Variants in TBCK observed in about 807,000 individuals in gnomAD.
TBCK encodes TBC domain-containing protein kinase-like protein.
In TBCK, 99 loss-of-function variants were observed where a neutral mutation model predicts 113.4. That is an observed-to-expected ratio of 0.87 (90% confidence interval 0.74 to 1.03). The LOEUF (loss-of-function observed/expected upper bound fraction) is 1.03. Among genes scored for constraint, TBCK ranks in the 50% least tolerant of loss-of-function variants. The pLI, the probability that TBCK is intolerant of heterozygous loss-of-function variation, is 0.00. For missense variants in TBCK, 1,045 were observed against 1,061.3 expected, an observed-to-expected ratio of 0.98 and a Z score of 0.21; for synonymous variants, 369 against 370.8, an observed-to-expected ratio of 1.00 and a Z score of 0.05.
chr4:106,278,785 C>T (rs1764276293), intron 3 of TBCK, among the ~76,000 whole-genome samples: 1 of 151,640 alleles, frequency 6.6e-6, no homozygotes, highest in African/African-American at 2.4e-5. Context: ...TTATAAGATT[C>T]CTATCTTATA....
chr4:106,187,314 T>C (rs1194441582), intron 22 of TBCK, among the ~76,000 whole-genome samples: 1 of 152,208 alleles, frequency 6.6e-6, no homozygotes, highest in Non-Finnish European at 1.5e-5. Context: ...ACTGAATCTA[T>C]AAATTCCTTT....
intron 20 of TBCK, among the ~76,000 whole-genome samples, chr4:106,203,365 A>G (rs1755093874): frequency 6.6e-6 from 1 of 151,482 alleles, no homozygotes; most frequent in Non-Finnish European, 1.5e-5. Flanking sequence ...AATTCTTAAT[A>G]TTTTAATACA....
intron 25 of TBCK, among the ~76,000 whole-genome samples, chr4:106,064,347 C>T (rs986254234): frequency 2.0e-5 from 3 of 151,722 alleles, no homozygotes; most frequent in African/African-American, 7.3e-5. Context: ...TGTCTCTTGT[C>T]TAGGTTTCTA....
At chr4:106,195,058 T>C (rs1158330260) in intron 20 of TBCK, among the ~76,000 whole-genome samples, 1 of 152,112 alleles carries the variant, frequency 6.6e-6, no homozygotes, top group Non-Finnish European at 1.5e-5. Context: ...GTTTTCTGTA[T>C]GTCACTTTTC....
chr4:106,221,392 GTT>G (rs1158176599), intron 19 of TBCK, among the ~76,000 whole-genome samples: 1 of 151,936 alleles, frequency 6.6e-6, no homozygotes, highest in Non-Finnish European at 1.5e-5. Flanking sequence ...AAAGTTATAT[GTT>G]ATATATCACT....
At chr4:106,058,081 C>T (rs1347649736) in intron 25 of TBCK, among the ~76,000 whole-genome samples, 1 of 151,700 alleles carries the variant, frequency 6.6e-6, no homozygotes, top group Non-Finnish European at 1.5e-5. Context: ...ATCAATTTGC[C>T]TATCAAATAT....
intron 24 of TBCK, among the ~76,000 whole-genome samples, chr4:106,097,583 T>G (rs1741073142): frequency 6.6e-6 from 1 of 152,148 alleles, no homozygotes. Flanking sequence ...TTTATATAAG[T>G]TGGATAATGA....
intron 20 of TBCK, among the ~76,000 whole-genome samples, chr4:106,207,174 A>G (rs1023432757): frequency 2.0e-5 from 3 of 152,216 alleles, no homozygotes; most frequent in Admixed American, 2.0e-4. Context: ...TGTAAATCAC[A>G]TAACTACCAT....
intron 23 of TBCK, among the ~76,000 whole-genome samples, chr4:106,152,753 C>T (rs1319932191): frequency 6.6e-6 from 1 of 152,052 alleles, no homozygotes; most frequent in African/African-American, 2.4e-5. Context: ...GCTTCACTCT[C>T]ATTACTTGTT....
At chr4:106,176,524 A>G (rs903739742) in intron 22 of TBCK, among the ~76,000 whole-genome samples, 5 of 152,154 alleles carry the variant, frequency 3.3e-5, no homozygotes, top group Non-Finnish European at 2.9e-5. Flanking sequence ...ATTGCCTTTT[A>G]TCGCTGAATG....
intron 3 of TBCK, among the ~76,000 whole-genome samples, chr4:106,269,897 C>T (rs145456128): frequency 2.2e-3 from 329 of 152,152 alleles, no homozygotes; most frequent in African/African-American, 7.5e-3. Flanking sequence ...CATAGTCTAG[C>T]GGTTTGAGGT....
chr4:106,129,100 C>G (rs1745565102), intron 23 of TBCK, among the ~76,000 whole-genome samples: 1 of 152,150 alleles, frequency 6.6e-6, no homozygotes, highest in Non-Finnish European at 1.5e-5. Flanking sequence ...AACTGTGTTT[C>G]TATCTTACAT....
intron 19 of TBCK, among the ~76,000 whole-genome samples, chr4:106,214,729 C>A (rs1469437905): frequency 8.6e-5 from 13 of 151,852 alleles, no homozygotes; most frequent in African/African-American, 2.9e-4. Context: ...AAGACCAAAT[C>A]TACGTCTGAT....
At chr4:106,272,809 C>G (rs1763638953) in intron 3 of TBCK, among the ~76,000 whole-genome samples, 1 of 152,046 alleles carries the variant, frequency 6.6e-6, no homozygotes, top group African/African-American at 2.4e-5. Flanking sequence ...TAACTTTTAA[C>G]TACAGTTAAG....
At chr4:106,149,581 T>G (rs1460314792) in intron 23 of TBCK, among the ~76,000 whole-genome samples, 1 of 152,170 alleles carries the variant, frequency 6.6e-6, no homozygotes, top group Non-Finnish European at 1.5e-5. Context: ...ATTTATCACT[T>G]AAGTTTGCCA....
At chr4:106,149,614 G>A (rs891475566) in intron 23 of TBCK, among the ~76,000 whole-genome samples, 1 of 152,102 alleles carries the variant, frequency 6.6e-6, no homozygotes, top group Non-Finnish European at 1.5e-5. Flanking sequence ...TCCGTTTGTG[G>A]TGCACCAAAA....
At chr4:106,053,459 A>G (rs569547301) in intron 25 of TBCK, among the ~76,000 whole-genome samples, 1 of 151,400 alleles carries the variant, frequency 6.6e-6, no homozygotes, top group Admixed American at 6.6e-5. Flanking sequence ...CAGTACACCA[A>G]TCTCTCCTGG....
chr4:106,297,045 C>T (rs551913457), intron 2 of TBCK, among the ~76,000 whole-genome samples: 1 of 152,218 alleles, frequency 6.6e-6, no homozygotes, highest in South Asian at 2.1e-4. Context: ...ATTTTCCTTA[C>T]ATTTATCTGG....
At position 106,302,802 on chromosome 4, in the gene TBCK, G is replaced by A. The variant is rs528267784; in HGVS notation, c.193+5966C>T. On this transcript the variant is annotated intron_variant, in intron 2 of 25. Transcript: ENST00000394708. ...GGGTAAGGGCTGTTGAAGTATACAG[G>A]GATTGAAAATATCTATTAATTGCTT... Among the ~76,000 whole-genome samples, 4 of 152,104 alleles carry A rather than the reference G, an allele frequency of 2.6e-5. No homozygotes were observed. The East Asian group carries it at 7.7e-4, about 29-fold the overall frequency.
Sources: gnomAD v4.1 joint callset for allele counts (sites outside exome capture counted in the v4.1 genomes callset) on GRCh38, gnomAD v4.1.1 for gene constraint, MANE v1.5 for transcripts, NCBI Gene and HGNC (gene_info 2026-07-23, HGNC 2026-07-21) for gene names.